The following C12orf75 variants were observed in gnomAD, a reference collection of about 807,000 sequenced individuals.
The protein encoded by C12orf75 is overexpressed in colon carcinoma 1 protein.
C12orf75 carries 4 observed loss-of-function variants against 11.4 expected under a neutral mutation model. That is an observed-to-expected ratio of 0.35 (90% confidence interval 0.17 to 0.80). C12orf75 has a LOEUF of 0.80. C12orf75 is among the 30% of genes least tolerant of loss of function. C12orf75 has a pLI of 0.52. For synonymous variants in C12orf75, 30 were observed against 30.0 expected (o/e 1.00, Z 0.00); for missense variants, 89 against 80.4 (o/e 1.11, Z -0.41).
chr12:105,366,605 C>T lies in C12orf75; in HGVS notation c.108-12C>T. Reference sequence around the variant, plus strand: ...AGTACCATTTAAATTGGTTTGATTTCTTTTTATCAAGAAACTATGGAGGAG... The same window carrying T: ...AGTACCATTTAAATTGGTTTGATTTTTTTTTATCAAGAAACTATGGAGGAG... On this transcript the variant is annotated splice_polypyrimidine_tract_variant and intron_variant, in intron 3 of 5. Transcript: ENST00000443585. 1 of 1,456,374 alleles carries T rather than the reference C, an allele frequency of 6.9e-7. No individual in the cohort carries two copies. The highest frequency in any genetic ancestry group is 9.4e-7 in the Non-Finnish European group (1 of 1,063,830). The allele number at this position is 1,456,374 out of a possible 1,614,324, so 90.2% of individuals were successfully genotyped here.
chr12:105,334,558 C>G (rs35519603), intron 1 of C12orf75, among the ~76,000 whole-genome samples: 27,848 of 152,144 alleles, frequency 0.18, 2,901 homozygotes, highest in Non-Finnish European at 0.24. Flanking sequence ...TTTTCCCAAC[C>G]TGCAACTATA....
At chr12:105,365,946 A>G (rs1444948522) in intron 3 of C12orf75, 104 bp downstream of exon 3, 2 of 803,996 alleles carry the variant, frequency 2.5e-6, no homozygotes, top group Non-Finnish European at 4.3e-6. Flanking sequence ...TCTGCCAGGA[A>G]AACTGTTGGC....
intron 1 of C12orf75, among the ~76,000 whole-genome samples, chr12:105,339,246 T>C (rs1202153205): frequency 6.6e-6 from 1 of 152,170 alleles, no homozygotes; most frequent in Non-Finnish European, 1.5e-5. Context: ...GTTATATTTA[T>C]ATAGTTCTCG....
At chr12:105,350,369 C>G (rs1220664325) in intron 2 of C12orf75, among the ~76,000 whole-genome samples, 2 of 152,200 alleles carry the variant, frequency 1.3e-5, no homozygotes, top group African/African-American at 4.8e-5. Flanking sequence ...GAGCCCAGGG[C>G]TGGGAGGGCT....
chr12:105,353,465 T>G (rs930915108), intron 2 of C12orf75: 1 of 152,212 alleles, frequency 6.6e-6, no homozygotes, highest in Non-Finnish European at 1.5e-5. Context: ...TGCAGTCATG[T>G]GCTCACCACT....
chr12:105,361,161 T>C (rs1001498800), intron 2 of C12orf75, among the ~76,000 whole-genome samples: 1 of 152,182 alleles, frequency 6.6e-6, no homozygotes, highest in Admixed American at 6.5e-5. Flanking sequence ...CTCCTGTAGC[T>C]GGGACCACAG....
intron 2 of C12orf75, among the ~76,000 whole-genome samples, chr12:105,349,018 A>T (rs1401041807): frequency 6.6e-6 from 1 of 152,220 alleles, no homozygotes; most frequent in Non-Finnish European, 1.5e-5. Context: ...CCAAGCAGTT[A>T]CCAAGTGTAC....
intron 1 of C12orf75, among the ~76,000 whole-genome samples, chr12:105,334,312 A>G (rs1476010702): frequency 6.6e-6 from 1 of 152,244 alleles, no homozygotes; most frequent in Non-Finnish European, 1.5e-5. Context: ...TGAGAAATTG[A>G]TAGTCTAGGT....
chr12:105,352,022 G>A (rs1270986753), intron 2 of C12orf75, among the ~76,000 whole-genome samples: 2 of 152,102 alleles, frequency 1.3e-5, no homozygotes, highest in African/African-American at 4.8e-5. Context: ...AGATAGCAGA[G>A]GGAAAGGAGA....
intron 2 of C12orf75, among the ~76,000 whole-genome samples, chr12:105,355,168 CT>C (rs200950023): frequency 4.0e-5 from 3 of 74,212 alleles, no homozygotes; most frequent in East Asian, 3.7e-4. Context: ...ATTTCTTTTT[CT>C]TTTTCTTTTT....
At chr12:105,341,637 A>G (rs1341903301) in intron 1 of C12orf75, among the ~76,000 whole-genome samples, 1 of 152,202 alleles carries the variant, frequency 6.6e-6, no homozygotes, top group Non-Finnish European at 1.5e-5. Context: ...TACTTGGGGA[A>G]GTCTGGAAGT....
chr12:105,360,992 T>G (rs1892857375), intron 2 of C12orf75, among the ~76,000 whole-genome samples: 2 of 152,104 alleles, frequency 1.3e-5, no homozygotes, highest in East Asian at 1.9e-4. Context: ...GCCAGGCTGG[T>G]CTCGAACTCC....
Position 105,365,088 on chromosome 12 carries a change from C to T in C12orf75, c.72-719C>T, listed in dbSNP as rs567777166. Among the ~76,000 whole-genome samples the T allele has an allele frequency of 1.1e-4, 16 of 152,142 alleles. No individual in the cohort carries two copies. The East Asian group carries it at 1.4e-3, about 13-fold the overall frequency. On this transcript the variant is annotated intron_variant, in intron 2 of 5. Coordinates refer to ENST00000443585, the MANE Select transcript of C12orf75 (RefSeq NM_001145199.2). ...CTGACCTCAGGTGATCCGCCCGCCT[C>T]GGCCTCCCAAAGTGCTGGTATTACA...
At chr12:105,334,148 G>A (rs1220695105) in intron 1 of C12orf75, among the ~76,000 whole-genome samples, 1 of 152,174 alleles carries the variant, frequency 6.6e-6, no homozygotes, top group Non-Finnish European at 1.5e-5. Flanking sequence ...ATAATTCTGG[G>A]TAGACTTGCC....
At chr12:105,340,752 G>A (rs546182359) in intron 1 of C12orf75, among the ~76,000 whole-genome samples, 11 of 152,076 alleles carry the variant, frequency 7.2e-5, no homozygotes, top group Non-Finnish European at 1.2e-4. Context: ...TTTGAGATGC[G>A]GAGATTATAC....
chr12:105,333,739 C>T (rs563325466), intron 1 of C12orf75, among the ~76,000 whole-genome samples: 1 of 152,234 alleles, frequency 6.6e-6, no homozygotes, highest in Non-Finnish European at 1.5e-5. Flanking sequence ...AACATGAAAG[C>T]ACACTGTAAA....
At chr12:105,351,701 G>A (rs1892715775) in intron 2 of C12orf75, among the ~76,000 whole-genome samples, 1 of 152,174 alleles carries the variant, frequency 6.6e-6, no homozygotes, top group African/African-American at 2.4e-5. Flanking sequence ...GCATGGGAGT[G>A]CCAGAGGACA....
chr12:105,362,372 G>A (rs573748078), intron 2 of C12orf75, among the ~76,000 whole-genome samples: 206 of 77,066 alleles, frequency 2.7e-3, no homozygotes, highest in Middle Eastern at 0.014. Context: ...GCGACAGAGC[G>A]AGACTCCGTC....
At chr12:105,343,713 G>A (rs1275814832) in intron 1 of C12orf75, among the ~76,000 whole-genome samples, 1 of 151,478 alleles carries the variant, frequency 6.6e-6, no homozygotes, top group Non-Finnish European at 1.5e-5. Context: ...TCCAACATTT[G>A]CAACCTTTTT....
Sources: allele counts gnomAD v4.1 joint callset (sites outside exome capture counted in the v4.1 genomes callset), GRCh38; gene constraint gnomAD v4.1.1; transcripts MANE v1.5; gene names NCBI Gene and HGNC (gene_info 2026-07-23, HGNC 2026-07-21).